Variants in VTCN1 observed in about 807,000 individuals in gnomAD.
VTCN1 encodes V-set domain containing T cell activation inhibitor 1, also known as V-set domain-containing T-cell activation inhibitor 1.
Under a neutral mutation model 26.5 loss-of-function variants are expected in VTCN1, and 26 were observed. That is an observed-to-expected ratio of 0.98 (90% CI 0.72 to 1.36). The LOEUF (loss-of-function observed/expected upper bound fraction) is 1.36. Among genes scored for constraint, VTCN1 ranks in the 40% most tolerant of loss-of-function variants. The pLI is 0.00. For synonymous variants in VTCN1, 116 were observed against 130.7 expected (o/e 0.89, Z 0.77); for missense variants, 298 against 337.7 (o/e 0.88, Z 0.92).
At chr1:117,190,502 G>C (rs1162310708) in intron 1 of VTCN1, among the ~76,000 whole-genome samples, 1 of 152,176 alleles carries the variant, frequency 6.6e-6, no homozygotes, top group Admixed American at 6.5e-5. Flanking sequence ...CTTGGCAGGA[G>C]CCATAGCCAT....
chr1:117,163,872 G>A (rs1005495783), intron 2 of VTCN1, among the ~76,000 whole-genome samples: 5 of 152,310 alleles, frequency 3.3e-5, no homozygotes, highest in East Asian at 1.9e-4. Context: ...CAGATGACTC[G>A]AAGGTTTTTT....
At chr1:117,205,182 G>GT (rs1648994313) in intron 1 of VTCN1, among the ~76,000 whole-genome samples, 2 of 147,954 alleles carry the variant, frequency 1.4e-5, no homozygotes, top group South Asian at 2.1e-4. Flanking sequence ...AGAGAGGGGG[G>GT]TCTCGCTCTA....
At chr1:117,196,280 T>TA (rs1238037283) in intron 1 of VTCN1, among the ~76,000 whole-genome samples, 2 of 152,070 alleles carry the variant, frequency 1.3e-5, no homozygotes, top group African/African-American at 4.8e-5. Flanking sequence ...ATGCATTTGT[T>TA]AAAAAATCAT....
chr1:117,170,966 T>C (rs950505954), intron 1 of VTCN1, among the ~76,000 whole-genome samples: 3 of 152,162 alleles, frequency 2.0e-5, no homozygotes, highest in Non-Finnish European at 2.9e-5. Flanking sequence ...TTTTAAGACC[T>C]GCATGCATTA....
rs1043597517 is a variant in VTCN1, at chr1:117,175,054, G to C, written c.33-4883C>G. Among the ~76,000 whole-genome samples, 2 of 152,112 alleles carry C rather than the reference G, an allele frequency of 1.3e-5. No homozygotes were observed. The highest frequency in any genetic ancestry group is 2.4e-5 in the African/African-American group (1 of 41,396). ...GAATTCTGTCTCCATTCCTGAGGAG[G>C]GCCTGGTTCGATTCCCTCACATGCC... is the stretch of plus-strand genomic sequence containing the variant. On this transcript the variant is annotated intron_variant, in intron 1 of 5. Coordinates refer to ENST00000369458, the MANE Select transcript of VTCN1 (RefSeq NM_024626.4). This position sits in a 1 kb window ranked among gnomAD's most constrained non-coding sequence, Gnocchi z 4.2.
At chr1:117,202,891 T>C (rs1407827818) in intron 1 of VTCN1, among the ~76,000 whole-genome samples, 4 of 151,950 alleles carry the variant, frequency 2.6e-5, no homozygotes, top group African/African-American at 9.7e-5. Context: ...AAAAGAGAGA[T>C]GGGGTGGGTA....
chr1:117,189,804 TC>T, intron 1 of VTCN1, among the ~76,000 whole-genome samples: 1 of 152,008 alleles, frequency 6.6e-6, no homozygotes, highest in Non-Finnish European at 1.5e-5. Flanking sequence ...CCACTCCTAT[TC>T]CCCCACAGCA....
rs1159309181 is a variant in VTCN1, at chr1:117,143,962, GGAAA to G, written c.*1305_*1308del. 1 of 152,182 alleles carries G rather than the reference GGAAA, an allele frequency of 6.6e-6. No homozygotes were observed. The highest frequency in any genetic ancestry group is 1.9e-4 in the East Asian group (1 of 5,186). 9.4% of individuals were successfully genotyped at this position (152,182 alleles called of 1,614,324 possible). On this transcript the variant is annotated 3_prime_UTR_variant, in exon 6 of 6. Coordinates refer to ENST00000369458, the MANE Select transcript of VTCN1 (RefSeq NM_024626.4). Reference sequence around the variant, plus strand: ...ACTTGGCTTGCAGGGTAGAATGAAGGGAAAGAAACTTAGAAGCTCAACAAGCTGA... The same window carrying G: ...ACTTGGCTTGCAGGGTAGAATGAAGGGAAACTTAGAAGCTCAACAAGCTGA...
At chr1:117,201,607 G>T (rs1223171346) in intron 1 of VTCN1, among the ~76,000 whole-genome samples, 1 of 152,220 alleles carries the variant, frequency 6.6e-6, no homozygotes, top group Non-Finnish European at 1.5e-5. Flanking sequence ...GCATGAGTAA[G>T]TACCCAAGAG....
intron 2 of VTCN1, among the ~76,000 whole-genome samples, chr1:117,157,375 G>T (rs1249273623): frequency 1.3e-5 from 2 of 152,052 alleles, no homozygotes; most frequent in African/African-American, 4.8e-5. Context: ...GGTTTAATTG[G>T]ACTTACAGTT....
At chr1:117,205,749 G>T (rs764388588) in intron 1 of VTCN1, among the ~76,000 whole-genome samples, 1 of 152,216 alleles carries the variant, frequency 6.6e-6, no homozygotes, top group Non-Finnish European at 1.5e-5. Context: ...TAACATGTTG[G>T]TTCCTGCCAT....
chr1:117,147,866 C>G lies in VTCN1; in HGVS notation c.725-84G>C, dbSNP rs1651597319. 3.3e-6 allele frequency: 5 copies of G among 1,517,506 alleles called. 1 individual carries two copies. In the South Asian group the frequency reaches 6.5e-5, roughly 20 times the overall value. 94.0% of individuals were successfully genotyped at this position (1,517,506 alleles called of 1,614,324 possible). A position where few individuals can be genotyped will look rare whatever the true frequency, so the allele number is the denominator to read the frequency against. ...ATGACTGGTTAGCAAAGAAAAGTAC[C>G]TGAAAAACAGAACAAGTTGTTCCTA... On this transcript the variant is annotated intron_variant, in intron 4 of 5. Coordinates refer to ENST00000369458, the MANE Select transcript of VTCN1 (RefSeq NM_024626.4). The surrounding 1 kb of genome is among the most constrained non-coding windows in gnomAD (Gnocchi z 4.6).
intron 1 of VTCN1, among the ~76,000 whole-genome samples, chr1:117,197,076 C>T (rs1005550991): frequency 6.6e-6 from 1 of 152,150 alleles, no homozygotes; most frequent in African/African-American, 2.4e-5. Flanking sequence ...GATTCTCTTG[C>T]AGTTCACCTA....
In VTCN1 at chr1:117,157,837, C is replaced by G. The variant is rs1652167304; in HGVS notation, c.98-916G>C. On this transcript the variant is annotated intron_variant, in intron 2 of 5. Coordinates refer to ENST00000369458, the MANE Select transcript of VTCN1 (RefSeq NM_024626.4). ...ATAATCCTGTAAAATCAAAATCAAG[C>G]TAGTTACTTCCTAGATACAATGGGG... is the stretch of plus-strand genomic sequence containing the variant. Among the ~76,000 whole-genome samples the G allele has an allele frequency of 2.0e-5, 3 of 152,296 alleles. No individual in the cohort carries two copies. In the Middle Eastern group the frequency reaches 0.01, roughly 518 times the overall value.
intron 2 of VTCN1, among the ~76,000 whole-genome samples, chr1:117,163,081 T>C (rs954155907): frequency 1.4e-4 from 21 of 152,222 alleles, no homozygotes; most frequent in Non-Finnish European, 2.9e-4. Flanking sequence ...AAGCTTAACC[T>C]TGGGGTCAAA....
At chr1:117,170,458 G>C (rs930010123) in intron 1 of VTCN1, 3 of 470,492 alleles carry the variant, frequency 6.4e-6, no homozygotes, top group Non-Finnish European at 1.2e-5. Context: ...TATGGAGACT[G>C]TTGGGGCAAG....
intron 1 of VTCN1, among the ~76,000 whole-genome samples, chr1:117,188,902 A>G (rs1648099029): frequency 6.6e-6 from 1 of 152,220 alleles, no homozygotes; most frequent in African/African-American, 2.4e-5. Context: ...CACATTTAGA[A>G]ATCTGCTCTT....
intron 1 of VTCN1, among the ~76,000 whole-genome samples, chr1:117,191,645 G>A (rs562507554): frequency 1.3e-5 from 2 of 152,332 alleles, no homozygotes; most frequent in African/African-American, 2.4e-5. Flanking sequence ...AGCCGGGCAT[G>A]GTGGCACATG....
At chr1:117,173,056 G>C (rs1201094845) in intron 1 of VTCN1, 5 of 676,886 alleles carry the variant, frequency 7.4e-6, no homozygotes, top group African/African-American at 1.8e-5. Context: ...ACCTTTATGA[G>C]CTGTAACACT....
Sources: allele counts gnomAD v4.1 joint callset (sites outside exome capture counted in the v4.1 genomes callset), GRCh38; gene constraint gnomAD v4.1.1; non-coding constraint Gnocchi (gnomAD v3.1); transcripts MANE v1.5; gene names NCBI Gene and HGNC (gene_info 2026-07-23, HGNC 2026-07-21).